The following PTPRE variants were observed in gnomAD, a reference collection of about 807,000 sequenced individuals.
The protein encoded by PTPRE is protein tyrosine phosphatase receptor type E, also known as receptor-type tyrosine-protein phosphatase epsilon.
In PTPRE, 51 loss-of-function variants were observed where a neutral mutation model predicts 102.0. The ratio of observed to expected loss-of-function variants is 0.50; its 90% confidence interval spans 0.40 to 0.63. The LOEUF is 0.63. Among genes scored for constraint, PTPRE ranks in the 30% least tolerant of loss-of-function variants. PTPRE has a pLI of 0.00. For synonymous variants in PTPRE, 345 were observed against 348.2 expected (o/e 0.99, Z 0.10); for missense variants, 752 against 915.1 (o/e 0.82, Z 2.30).
chr10:127,930,763 A>G (rs946610243), intron 1 of PTPRE, among the ~76,000 whole-genome samples: 3 of 150,238 alleles, frequency 2.0e-5, no homozygotes, highest in Non-Finnish European at 4.4e-5. Flanking sequence ...AACATTTGCT[A>G]TTGCCAGTTA....
At chr10:128,074,553 C>A (rs574899383) in intron 17 of PTPRE, among the ~76,000 whole-genome samples, 1 of 152,086 alleles carries the variant, frequency 6.6e-6, no homozygotes, top group Admixed American at 6.6e-5. Flanking sequence ...GCAATCCCAG[C>A]TACTTGGGAG....
intron 1 of PTPRE, among the ~76,000 whole-genome samples, chr10:127,968,757 A>G (rs1169351662): frequency 6.6e-6 from 1 of 152,252 alleles, no homozygotes; most frequent in African/African-American, 2.4e-5. Flanking sequence ...GGTAGTTGTG[A>G]GCATTAAGTT....
chr10:127,994,360 A>G (rs564966733), intron 2 of PTPRE, among the ~76,000 whole-genome samples: 54 of 152,286 alleles, frequency 3.5e-4, no homozygotes, highest in African/African-American at 1.2e-3. Context: ...TCCAGCCCCA[A>G]GTTACTTTCT....
At chr10:127,915,177 G>A (rs1233185026) in intron 1 of PTPRE, among the ~76,000 whole-genome samples, 2 of 152,112 alleles carry the variant, frequency 1.3e-5, no homozygotes, top group East Asian at 3.8e-4. Context: ...TAAAACTCCT[G>A]TACAATCCTA....
chr10:128,059,460 A>G lies in PTPRE; in HGVS notation c.512-1479A>G, dbSNP rs533120668. On this transcript the variant is annotated intron_variant, in intron 7 of 20. Coordinates refer to ENST00000254667, the MANE Select transcript of PTPRE (RefSeq NM_006504.6). ...GTGAAGGTGAGACAAACAAGGCATG[A>G]CCTGGGGGCTGCCCGGCTCCCCATC... is the stretch of plus-strand genomic sequence containing the variant. Among the ~76,000 whole-genome samples the G allele has an allele frequency of 4.6e-5, 7 of 152,330 alleles. No homozygotes were observed. The South Asian group carries it at 1.4e-3, about 32-fold the overall frequency.
intron 2 of PTPRE, among the ~76,000 whole-genome samples, chr10:128,034,086 T>A (rs1257545213): frequency 6.6e-6 from 1 of 152,222 alleles, no homozygotes; most frequent in East Asian, 1.9e-4. Flanking sequence ...GTTGAATTTT[T>A]AAAACACTGC....
chr10:127,954,984 A>T (rs1410784886), intron 1 of PTPRE, among the ~76,000 whole-genome samples: 2 of 151,798 alleles, frequency 1.3e-5, no homozygotes, highest in Non-Finnish European at 2.9e-5. Context: ...GGGGTTCCTC[A>T]TGCCTCTGAG....
At chr10:128,079,395 G>T (rs3763790) in intron 19 of PTPRE, among the ~76,000 whole-genome samples, 165 bp from the exon 20 acceptor site, 19,045 of 152,158 alleles carry the variant, frequency 0.13, 1,246 homozygotes, top group Admixed American at 0.16. Flanking sequence ...ATCTTGCTCA[G>T]AAGTTACACT....
At chr10:127,981,728 G>T (rs191031534) in intron 1 of PTPRE, among the ~76,000 whole-genome samples, 1 of 151,744 alleles carries the variant, frequency 6.6e-6, no homozygotes, top group African/African-American at 2.4e-5. Flanking sequence ...TGAGGCAGGA[G>T]AATCGCTTGA....
At position 128,063,189 on chromosome 10, in the gene PTPRE, C is replaced by T; in HGVS notation, c.723+9C>T. 6.2e-7 allele frequency: 1 copy of T among 1,613,918 alleles called. No homozygotes were observed. The highest frequency in any genetic ancestry group is 8.5e-7 in the Non-Finnish European group (1 of 1,179,914). Reference sequence around the variant, plus strand: ...TGAAAGAAAGGAAAGAGGTGAGTTCCAGGCATCTGGCCCCGGTATCACTTC... The same window carrying T: ...TGAAAGAAAGGAAAGAGGTGAGTTCTAGGCATCTGGCCCCGGTATCACTTC... On this transcript the variant is annotated intron_variant, in intron 10 of 20. Coordinates refer to ENST00000254667, the MANE Select transcript of PTPRE (RefSeq NM_006504.6).
At chr10:128,012,137 C>T (rs924060157) in intron 2 of PTPRE, among the ~76,000 whole-genome samples, 1 of 152,058 alleles carries the variant, frequency 6.6e-6, no homozygotes, top group Admixed American at 6.5e-5. Flanking sequence ...GAACCCAGGT[C>T]CACCTGTCTC....
At chr10:127,976,322 C>T (rs1851174381) in intron 1 of PTPRE, among the ~76,000 whole-genome samples, 1 of 152,276 alleles carries the variant, frequency 6.6e-6, no homozygotes, top group African/African-American at 2.4e-5. Context: ...ATGGCATAGA[C>T]AGACGAGGCA....
chr10:128,078,376 T>C (rs1396544970), intron 19 of PTPRE, among the ~76,000 whole-genome samples: 3 of 152,212 alleles, frequency 2.0e-5, no homozygotes, highest in Non-Finnish European at 4.4e-5. Context: ...GCAAATCTGG[T>C]CAAGCCCACT....
intron 1 of PTPRE, among the ~76,000 whole-genome samples, chr10:127,971,181 T>C (rs978553447): frequency 2.6e-5 from 4 of 152,182 alleles, no homozygotes; most frequent in African/African-American, 9.7e-5. Flanking sequence ...CAAGTGTCCA[T>C]ACGAGGCTAA....
At chr10:127,942,719 A>G (rs974257478) in intron 1 of PTPRE, among the ~76,000 whole-genome samples, 5 of 152,130 alleles carry the variant, frequency 3.3e-5, no homozygotes, top group Non-Finnish European at 7.3e-5. Context: ...GGCTGGAGAG[A>G]GAGGGATGGA....
chr10:128,075,733 G>A (rs12255021), intron 17 of PTPRE, among the ~76,000 whole-genome samples: 5 of 151,942 alleles, frequency 3.3e-5, no homozygotes, highest in African/African-American at 1.2e-4. Flanking sequence ...ACAAAATATT[G>A]TTCATTGTAT....
At chr10:127,992,472 G>T (rs1440609383) in intron 2 of PTPRE, among the ~76,000 whole-genome samples, 2 of 152,304 alleles carry the variant, frequency 1.3e-5, no homozygotes, top group East Asian at 1.9e-4. Context: ...CTTTCTTTGG[G>T]AATGATTTGC....
chr10:128,084,138 G>A lies in PTPRE; in HGVS notation c.*1232G>A, dbSNP rs1319609280. ...CCATTACCAGATAAGATTGACTGACGGGGAAAAAAAAAAAAAAAGAATGGG... is the reference window on the plus strand; with the variant it reads ...CCATTACCAGATAAGATTGACTGACAGGGAAAAAAAAAAAAAAAGAATGGG... On this transcript the variant is annotated 3_prime_UTR_variant, in exon 21 of 21. Transcript: ENST00000254667. 2.2e-5 allele frequency: 2 copies of A among 91,442 alleles called. No homozygotes were observed. The highest frequency in any genetic ancestry group is 4.1e-5 in the Non-Finnish European group (2 of 48,752). The allele number at this position is 91,442 out of a possible 1,614,324, so 5.7% of individuals were successfully genotyped here.
chr10:128,068,185 C>G lies in PTPRE; in HGVS notation c.906C>G (p.Pro302=), dbSNP rs7100666. 0.1 allele frequency: 169,186 copies of G among 1,613,858 alleles called. 10,529 individuals carry two copies. Among genetic ancestry groups the G allele is most frequent in the East Asian group, 0.26 (11,437 of 44,850 alleles). ...CACAGCTGCACTTCACCAGCTGGCCCGACTTCGGAGTGCCTTTTACCCCCA... is the reference window on the plus strand; with the variant it reads ...CACAGCTGCACTTCACCAGCTGGCCGGACTTCGGAGTGCCTTTTACCCCCA... The part of the protein sequence containing the change: ...LVSQLHFTSW[P]DFGVPFTPIG... The change falls in exon 12 of 21, where the codon CCC becomes CCG. Residue 302 remains proline (P), a synonymous_variant. Coordinates refer to ENST00000254667, the MANE Select transcript of PTPRE (RefSeq NM_006504.6).
Sources: gnomAD v4.1 joint callset for allele counts (sites outside exome capture counted in the v4.1 genomes callset) on GRCh38, gnomAD v4.1.1 for gene constraint, MANE v1.5 for transcripts, NCBI Gene and HGNC (gene_info 2026-07-23, HGNC 2026-07-21) for gene names.